TOX: variants seen among roughly 807,000 people sequenced by gnomAD.
The protein encoded by TOX is thymocyte selection associated high mobility group box.
Under a neutral mutation model 53.7 loss-of-function variants are expected in TOX, and 11 were observed. That is an observed-to-expected ratio of 0.20 (90% CI 0.13 to 0.34). The LOEUF is 0.34. TOX is among the 10% of genes least tolerant of loss of function. TOX has a pLI of 1.00. For synonymous variants in TOX, 225 were observed against 245.3 expected, an observed-to-expected ratio of 0.92 and a Z score of 0.77; for missense variants, 570 against 664.6, an observed-to-expected ratio of 0.86 and a Z score of 1.56.
intron 1 of TOX, among the ~76,000 whole-genome samples, chr8:58,961,861 G>C (rs1179605077): frequency 6.6e-6 from 1 of 152,148 alleles, no homozygotes; most frequent in Non-Finnish European, 1.5e-5. Context: ...CAATCTGCCT[G>C]TTACTCCTAA....
Position 59,117,164 on chromosome 8 carries a change from T to C in TOX, c.102+1722A>G, listed in dbSNP as rs1346227346. 1.3e-5 allele frequency among the ~76,000 whole-genome samples: 2 copies of C among 152,206 alleles called. No individual in the cohort carries two copies. Among genetic ancestry groups the C allele is most frequent in the Non-Finnish European group, 2.9e-5 (2 of 68,038 alleles). On this transcript the variant is annotated intron_variant, in intron 1 of 8. Coordinates refer to ENST00000361421, the MANE Select transcript of TOX (RefSeq NM_014729.3). This position sits in a 1 kb window ranked among gnomAD's most constrained non-coding sequence, Gnocchi z 4.6. ...GTTCCGGTAACTACAGTGGAATAAG[T>C]CTTTACTCTCCAAGATAGGGCTGCA...
At chr8:58,960,050 C>G in intron 1 of TOX, 42 bp from the exon 2 acceptor site, 1 of 1,601,154 alleles carries the variant, frequency 6.2e-7, no homozygotes, top group Non-Finnish European at 8.6e-7. Flanking sequence ...ATCTTGACTG[C>G]GGGTATGTTT....
At chr8:59,097,780 G>A (rs889292665) in intron 1 of TOX, among the ~76,000 whole-genome samples, 1 of 152,188 alleles carries the variant, frequency 6.6e-6, no homozygotes, top group East Asian at 1.9e-4. Context: ...TAAACATTAT[G>A]TTTTATGAAC....
chr8:59,006,112 T>C (rs77987818), intron 1 of TOX, among the ~76,000 whole-genome samples: 1 of 152,250 alleles, frequency 6.6e-6, no homozygotes, highest in African/African-American at 2.4e-5. Flanking sequence ...AGAGATGCAA[T>C]GTACTTCACT....
chr8:58,908,410 C>T (rs1442361329), intron 3 of TOX, among the ~76,000 whole-genome samples: 1 of 152,196 alleles, frequency 6.6e-6, no homozygotes, highest in Non-Finnish European at 1.5e-5. Context: ...TCTCCCAAAC[C>T]TGCTGTTCTT....
intron 3 of TOX, among the ~76,000 whole-genome samples, chr8:58,879,633 G>C (rs973728162): frequency 6.6e-6 from 1 of 152,126 alleles, no homozygotes; most frequent in South Asian, 2.1e-4. Flanking sequence ...TACTGTGGCT[G>C]ACTAGTCCTT....
At chr8:58,837,622 C>T (rs915588996) in intron 5 of TOX, among the ~76,000 whole-genome samples, 3 of 152,210 alleles carry the variant, frequency 2.0e-5, no homozygotes, top group East Asian at 1.9e-4. Flanking sequence ...ATAACAGCCC[C>T]TGGCGGTCTT....
chr8:58,908,666 A>G (rs1811860277), intron 3 of TOX, among the ~76,000 whole-genome samples: 1 of 152,222 alleles, frequency 6.6e-6, no homozygotes, highest in African/African-American at 2.4e-5. Flanking sequence ...CTTATCTGAT[A>G]TTAAAGGCAA....
At chr8:58,938,502 C>T (rs927372631) in intron 3 of TOX, among the ~76,000 whole-genome samples, 3 of 152,098 alleles carry the variant, frequency 2.0e-5, no homozygotes, top group African/African-American at 7.2e-5. Flanking sequence ...TGGCCATCTA[C>T]TACTGATTTT....
Position 58,945,997 on chromosome 8 carries a change from T to C in TOX, c.169-6453A>G, listed in dbSNP as rs566115547. On this transcript the variant is annotated intron_variant, in intron 2 of 8. Transcript: ENST00000361421. Reference sequence around the variant, plus strand: ...TCGTATGTATCTTTAAATTATGTGATGGATTCATGCAATCATGCATACACT... The same window carrying C: ...TCGTATGTATCTTTAAATTATGTGACGGATTCATGCAATCATGCATACACT... Among the ~76,000 whole-genome samples, 34 of 152,224 alleles carry C rather than the reference T, an allele frequency of 2.2e-4. 1 individual carries two copies. Among genetic ancestry groups the C allele is most frequent in the African/African-American group, 7.0e-4 (29 of 41,532 alleles).
At chr8:58,984,530 C>T (rs1488194944) in intron 1 of TOX, among the ~76,000 whole-genome samples, 3 of 152,100 alleles carry the variant, frequency 2.0e-5, no homozygotes, top group East Asian at 1.9e-4. Context: ...CGGTGGCTCA[C>T]GCCCGTAATC....
chr8:59,034,324 C>T (rs1814415190), intron 1 of TOX, among the ~76,000 whole-genome samples: 1 of 152,244 alleles, frequency 6.6e-6, no homozygotes, highest in African/African-American at 2.4e-5. Flanking sequence ...ACACAAACTG[C>T]TACCCAAATG....
chr8:59,092,101 A>C (rs1804616373), intron 1 of TOX, among the ~76,000 whole-genome samples: 1 of 150,498 alleles, frequency 6.6e-6, no homozygotes, highest in Non-Finnish European at 1.5e-5. Flanking sequence ...AATACAAAAA[A>C]ATTAGCTGGG....
chr8:58,969,172 C>T (rs1812956665), intron 1 of TOX, among the ~76,000 whole-genome samples: 1 of 152,146 alleles, frequency 6.6e-6, no homozygotes, highest in Non-Finnish European at 1.5e-5. Context: ...TATGCTCAGG[C>T]AAACCTGACC....
At chr8:59,073,360 A>C (rs1179614737) in intron 1 of TOX, among the ~76,000 whole-genome samples, 1 of 152,284 alleles carries the variant, frequency 6.6e-6, no homozygotes, top group Non-Finnish European at 1.5e-5. Flanking sequence ...TGACATAAAA[A>C]CCACCAGGAA....
intron 3 of TOX, among the ~76,000 whole-genome samples, chr8:58,857,244 TG>T (rs1309598551): frequency 2.0e-5 from 3 of 152,182 alleles, no homozygotes; most frequent in African/African-American, 7.2e-5. Context: ...AGGGCTCAAA[TG>T]TCTCAAAGGT....
chr8:58,911,256 C>T (rs182707156), intron 3 of TOX, among the ~76,000 whole-genome samples: 26 of 152,142 alleles, frequency 1.7e-4, no homozygotes, highest in East Asian at 5.8e-4. Context: ...CAGTTTGGGA[C>T]GAGTGTAGTT....
At chr8:58,972,429 T>G (rs1813017297) in intron 1 of TOX, among the ~76,000 whole-genome samples, 1 of 152,190 alleles carries the variant, frequency 6.6e-6, no homozygotes, top group East Asian at 1.9e-4. Flanking sequence ...TTAAAATTGC[T>G]TCGGGCTAAT....
rs1050776113 is a variant in TOX, at chr8:58,851,166, C to G, written c.693+358G>C. Among the ~76,000 whole-genome samples the G allele has an allele frequency of 2.2e-5, 3 of 136,392 alleles. No homozygotes were observed. Among genetic ancestry groups the G allele is most frequent in the Non-Finnish European group, 4.7e-5 (3 of 63,840 alleles). The allele number at this position is 136,392 out of a possible 152,430, so 89.5% of individuals were successfully genotyped here. Reference sequence around the variant, plus strand: ...ATCTCCTCTCTCTCTCTGTCTCTCTCTCTCTCTCTCTCTCTCTCTCACACA... The same window carrying G: ...ATCTCCTCTCTCTCTCTGTCTCTCTGTCTCTCTCTCTCTCTCTCTCACACA... On this transcript the variant is annotated intron_variant, in intron 4 of 8. Transcript: ENST00000361421. The surrounding 1 kb of genome is among the most constrained non-coding windows in gnomAD (Gnocchi z 4.4).
Sources: allele counts gnomAD v4.1 joint callset (sites outside exome capture counted in the v4.1 genomes callset), GRCh38; gene constraint gnomAD v4.1.1; non-coding constraint Gnocchi (gnomAD v3.1); transcripts MANE v1.5; gene names NCBI Gene and HGNC (gene_info 2026-07-23, HGNC 2026-07-21).